Variants in ZNF547 observed in about 807,000 individuals in gnomAD.
ZNF547 encodes zinc finger protein 547.
In ZNF547, 4 loss-of-function variants were observed where a neutral mutation model predicts 7.7. The ratio of observed to expected loss-of-function variants is 0.52; its 90% CI spans 0.26 to 1.20. ZNF547 has a LOEUF of 1.20. ZNF547 is among the 50% of genes most tolerant of loss of function. The pLI, the probability that ZNF547 is intolerant of heterozygous loss-of-function variation, is 0.14. For missense variants in ZNF547, 449 were observed against 485.8 expected (o/e 0.92, Z 0.71); for synonymous variants, 166 against 166.2 (o/e 1.00, Z 0.01).
chr19:57,374,783 C>A lies in ZNF547; in HGVS notation c.152-2345C>A, dbSNP rs190750966. Among the ~76,000 whole-genome samples the A allele has an allele frequency of 2.9e-3, 441 of 152,246 alleles. 2 individuals are homozygous for A. The highest frequency in any genetic ancestry group is 1.0e-2 in the African/African-American group (415 of 41,544). On this transcript the variant is annotated intron_variant, in intron 3 of 3. Coordinates refer to ENST00000282282, the MANE Select transcript of ZNF547 (RefSeq NM_173631.4). Reference sequence around the variant, plus strand: ...GCAAGAGTCACCTTTACTCCAGTCCCCAACAAGTTCCTCATCTCCATCTAA... The same window carrying A: ...GCAAGAGTCACCTTTACTCCAGTCCACAACAAGTTCCTCATCTCCATCTAA...
At chr19:57,365,768 A>G (rs1246614515) in intron 1 of ZNF547, among the ~76,000 whole-genome samples, 10 of 151,618 alleles carry the variant, frequency 6.6e-5, no homozygotes, top group Admixed American at 5.3e-4. Flanking sequence ...CGGCCTCCCA[A>G]AGTGCTGGGA....
chr19:57,377,516 A>T lies in ZNF547; in HGVS notation c.540A>T (p.Gly180=), dbSNP rs773411586. ...KLSDHQKIHT[G]ERTYKCSKCG... is the part of the protein sequence containing the mutation. The stretch of plus-strand genomic sequence containing the variant: ...CTGACCATCAGAAAATCCACACTGG[A>T]GAAAGAACTTATAAGTGCAGCAAAT... The change falls in exon 4 of 4, where the codon GGA becomes GGT. Residue 180 remains glycine, a synonymous_variant. Coordinates refer to ENST00000282282, the MANE Select transcript of ZNF547 (RefSeq NM_173631.4). 8 of 1,614,108 alleles carry T rather than the reference A, an allele frequency of 5.0e-6. No individual in the cohort carries two copies. The highest frequency in any genetic ancestry group is 1.6e-4 in the Middle Eastern group (1 of 6,084).
At chr19:57,371,648 A>G in intron 2 of ZNF547, 134 bp from the exon 3 acceptor site, 1 of 1,329,698 alleles carries the variant, frequency 7.5e-7, no homozygotes, top group Non-Finnish European at 1.0e-6. Context: ...ATGGTAGGGG[A>G]GATGGAAACA....
intron 3 of ZNF547, among the ~76,000 whole-genome samples, chr19:57,376,796 TA>T (rs1307487657): frequency 6.6e-6 from 1 of 152,134 alleles, no homozygotes; most frequent in Non-Finnish European, 1.5e-5. Context: ...CGAGTCCTGT[TA>T]AGAATTCCTT....
Position 57,377,988 on chromosome 19 carries a change from G to A in ZNF547, c.1012G>A (p.Val338Ile), listed in dbSNP as rs146212388. Residue 338 changes from valine to isoleucine, a missense_variant, in exon 4 of 4, where the codon GTC becomes ATC. By Grantham distance (29) the Val-to-Ile change is conservative. Coordinates refer to ENST00000282282, the MANE Select transcript of ZNF547 (RefSeq NM_173631.4). The part of the protein sequence containing the change: ...ECGKFFSLKS[V>I]LIQHQRVHTG... ...TGGGAAATTCTTCAGCTTGAAATCC[G>A]TCCTCATTCAACACCAAAGAGTTCA... 3.6e-5 allele frequency: 58 copies of A among 1,613,684 alleles called. No homozygotes were observed. The highest frequency in any genetic ancestry group is 8.3e-5 in the Admixed American group (5 of 59,974).
At position 57,379,087 on chromosome 19, in the gene ZNF547, C is replaced by T. The variant is rs1600080282; in HGVS notation, c.*902C>T. The T allele has an allele frequency of 6.1e-6, 1 of 163,626 alleles. No homozygotes were observed. The highest frequency in any genetic ancestry group is 1.9e-4 in the East Asian group (1 of 5,348). 10.1% of individuals were successfully genotyped at this position (163,626 alleles called of 1,614,324 possible). A position where few individuals can be genotyped will look rare whatever the true frequency, so the allele number is the denominator to read the frequency against. On this transcript the variant is annotated 3_prime_UTR_variant, in exon 4 of 4. Transcript: ENST00000282282. ...TTTATTTCTGACATCTATTCATGGA[C>T]ACTTGGGTTACTTCTACCTCTGGCT...
At position 57,378,526 on chromosome 19, in the gene ZNF547, A is replaced by G; in HGVS notation, c.*341A>G. On this transcript the variant is annotated 3_prime_UTR_variant, in exon 4 of 4. Transcript: ENST00000282282. ...CCACACTAGTGAAAGTCTTCTGAGTACAGCAAATGTGTGACATTATTTTGC... is the reference window on the plus strand; with the variant it reads ...CCACACTAGTGAAAGTCTTCTGAGTGCAGCAAATGTGTGACATTATTTTGC... 2.3e-6 allele frequency: 1 copy of G among 443,386 alleles called. No homozygotes were observed. Among genetic ancestry groups the G allele is most frequent in the Non-Finnish European group, 4.4e-6 (1 of 229,880 alleles). The allele number at this position is 443,386 out of a possible 1,614,324, so 27.5% of individuals were successfully genotyped here.
chr19:57,370,257 A>G (rs1348709440), intron 2 of ZNF547, among the ~76,000 whole-genome samples: 3 of 152,194 alleles, frequency 2.0e-5, no homozygotes, highest in Non-Finnish European at 4.4e-5. Flanking sequence ...TCCTGTGTCC[A>G]TGAGGCAGGA....
chr19:57,373,215 C>G (rs1036959581), intron 3 of ZNF547, among the ~76,000 whole-genome samples: 15 of 152,166 alleles, frequency 9.9e-5, no homozygotes, highest in African/African-American at 3.6e-4. Flanking sequence ...CACAGGGCGG[C>G]AAGACAAATG....
chr19:57,364,561 T>C, intron 1 of ZNF547: 1 of 494,260 alleles, frequency 2.0e-6, no homozygotes, highest in Non-Finnish European at 3.7e-6. Flanking sequence ...ACCAACATGG[T>C]GAAACCCCGT....
intron 2 of ZNF547, among the ~76,000 whole-genome samples, chr19:57,369,899 C>CCTTTTTTTTT (rs2088493597): frequency 1.9e-5 from 1 of 51,678 alleles, no homozygotes; most frequent in African/African-American, 7.8e-5. Context: ...ACTCACAGTT[C>CCTTTTTTTTT]TTTTTTTTTT....
At position 57,368,643 on chromosome 19, in the gene ZNF547, T is replaced by C. The variant is rs377720938; in HGVS notation, c.24+64T>C. On this transcript the variant is annotated intron_variant, in intron 2 of 3. Coordinates refer to ENST00000282282, the MANE Select transcript of ZNF547 (RefSeq NM_173631.4). ...CTCATAGATGGTTTTGGCACCTCCA[T>C]GTAAAGAAAAGTGGTGTCCAGAGAC... 41 of 1,549,472 alleles carry C rather than the reference T, an allele frequency of 2.6e-5. No individual in the cohort carries two copies. The African/African-American group carries it at 3.9e-4, about 15-fold the overall frequency.
chr19:57,372,189 G>A (rs930354282), intron 3 of ZNF547, among the ~76,000 whole-genome samples: 1 of 152,162 alleles, frequency 6.6e-6, no homozygotes, highest in Non-Finnish European at 1.5e-5. Flanking sequence ...CTATTCAAAT[G>A]CATGAGACCT....
rs2123017789 is a variant in ZNF547 at position 57,371,908 on chromosome 19, G to A, written c.151G>A (p.Gly51Ser). ...LENLALLSSL[G>S]CCHGAEDEEA... ...GAATTTGGCCCTTTTGTCCTCACTA[G>A]GTAAGGCCCTCACACTTGCCCAGTG... Residue 51 changes from glycine (G) to serine (S), a missense_variant and splice_region_variant, in exon 3 of 4, where the codon GGT (glycine) becomes AGT (serine). Transcript: ENST00000282282. 6.2e-7 allele frequency: 1 copy of A among 1,603,216 alleles called. No homozygotes were observed. Among genetic ancestry groups the A allele is most frequent in the Non-Finnish European group, 8.5e-7 (1 of 1,173,906 alleles).
intron 3 of ZNF547, among the ~76,000 whole-genome samples, chr19:57,374,310 G>A (rs758957026): frequency 1.3e-5 from 2 of 152,206 alleles, no homozygotes; most frequent in African/African-American, 2.4e-5. Context: ...GCCATGTCCC[G>A]AGGCTGCATA....
At position 57,378,391 on chromosome 19, in the gene ZNF547, C is replaced by G; in HGVS notation, c.*206C>G. On this transcript the variant is annotated 3_prime_UTR_variant, in exon 4 of 4. Coordinates refer to ENST00000282282, the MANE Select transcript of ZNF547 (RefSeq NM_173631.4). ...CTCGGGACATTATTTTGGTTTGACT[C>G]TCATCTCATTAGACATTGGAGAGTT... The G allele has an allele frequency of 1.4e-6, 1 of 708,652 alleles. No individual in the cohort carries two copies. The highest frequency in any genetic ancestry group is 2.6e-6 in the Non-Finnish European group (1 of 390,598). The allele number at this position is 708,652 out of a possible 1,614,324, so 43.9% of individuals were successfully genotyped here. A position where few individuals can be genotyped will look rare whatever the true frequency, so the allele number is the denominator to read the frequency against.
chr19:57,371,756 T>G (rs750440061), intron 2 of ZNF547, 26 bp from the exon 3 acceptor site: 3 of 1,597,376 alleles, frequency 1.9e-6, no homozygotes, highest in Non-Finnish European at 2.6e-6. Context: ...AAGCTGCTCA[T>G]GTATTCATCT....
chr19:57,366,958 T>C (rs1328530904), intron 1 of ZNF547, among the ~76,000 whole-genome samples: 1 of 152,240 alleles, frequency 6.6e-6, no homozygotes, highest in East Asian at 1.9e-4. Flanking sequence ...AATAGTGATC[T>C]TGCTATAATG....
intron 2 of ZNF547, among the ~76,000 whole-genome samples, chr19:57,370,464 A>C (rs567844414): frequency 6.6e-6 from 1 of 152,352 alleles, no homozygotes; most frequent in Non-Finnish European, 1.5e-5. Context: ...TTCTGTGTGC[A>C]GAGTGGCCTG....
Sources: allele counts gnomAD v4.1 joint callset (sites outside exome capture counted in the v4.1 genomes callset), GRCh38; gene constraint gnomAD v4.1.1; transcripts MANE v1.5; gene names NCBI Gene and HGNC (gene_info 2026-07-23, HGNC 2026-07-21).